SLC16A10: variants seen among roughly 807,000 people sequenced by gnomAD.
SLC16A10 encodes solute carrier family 16 member 10.
In SLC16A10, 27 loss-of-function variants were observed where a neutral mutation model predicts 40.0. The ratio of observed to expected loss-of-function variants is 0.67; its 90% confidence interval spans 0.50 to 0.93. The LOEUF is 0.93. Among genes scored for constraint, SLC16A10 ranks in the 40% least tolerant of loss-of-function variants. The pLI is 0.00. For synonymous variants in SLC16A10, 213 were observed against 249.8 expected, an observed-to-expected ratio of 0.85 and a Z score of 1.39; for missense variants, 529 against 658.2, an observed-to-expected ratio of 0.80 and a Z score of 2.15.
rs537693451 is a variant in SLC16A10, at chr6:111,200,709, A to G, written c.943-5883A>G. Among the ~76,000 whole-genome samples, 6 of 152,326 alleles carry G rather than the reference A, an allele frequency of 3.9e-5. No individual in the cohort carries two copies. In the East Asian group the frequency reaches 1.2e-3, roughly 29 times the overall value. On this transcript the variant is annotated intron_variant, in intron 3 of 5. Transcript: ENST00000368851. ...ACAAACTCAGATTATCCATTAACCC[A>G]CGCTTGCAGGCTTTCTACTCCCTTT...
intron 1 of SLC16A10, among the ~76,000 whole-genome samples, chr6:111,159,230 A>G (rs79357871): frequency 0.02 from 2,978 of 152,216 alleles, 89 homozygotes; most frequent in African/African-American, 0.068. Flanking sequence ...TTATGCTATG[A>G]CTACAAATGT....
At chr6:111,163,110 T>C (rs1183117896) in intron 1 of SLC16A10, among the ~76,000 whole-genome samples, 2 of 152,074 alleles carry the variant, frequency 1.3e-5, no homozygotes, top group East Asian at 3.9e-4. Flanking sequence ...ACAAAGAAAT[T>C]TGGTTATTTC....
intron 3 of SLC16A10, among the ~76,000 whole-genome samples, chr6:111,194,523 G>A (rs1264194367): frequency 6.6e-6 from 1 of 152,156 alleles, no homozygotes; most frequent in East Asian, 1.9e-4. Context: ...CCAGAAGAAC[G>A]GGGTGTCTGA....
intron 1 of SLC16A10, among the ~76,000 whole-genome samples, chr6:111,096,480 T>C (rs1583300012): frequency 6.7e-6 from 1 of 149,864 alleles, no homozygotes; most frequent in East Asian, 1.9e-4. Flanking sequence ...ACCTGGGAAC[T>C]GCGCAGACCC....
chr6:111,107,191 T>C (rs1771299876), intron 1 of SLC16A10, among the ~76,000 whole-genome samples: 1 of 152,202 alleles, frequency 6.6e-6, no homozygotes, highest in South Asian at 2.1e-4. Flanking sequence ...TGTGCATGGA[T>C]TTCAAAATAT....
chr6:111,149,564 C>T (rs1043927385), intron 1 of SLC16A10, among the ~76,000 whole-genome samples: 1 of 152,184 alleles, frequency 6.6e-6, no homozygotes, highest in Non-Finnish European at 1.5e-5. Flanking sequence ...GTTTTATATG[C>T]ATACAGTATA....
At chr6:111,101,452 T>C (rs1771187180) in intron 1 of SLC16A10, among the ~76,000 whole-genome samples, 1 of 152,172 alleles carries the variant, frequency 6.6e-6, no homozygotes, top group East Asian at 1.9e-4. Context: ...CCAGGTACCC[T>C]ATAATCAAAT....
chr6:111,100,563 A>G (rs1207333159), intron 1 of SLC16A10, among the ~76,000 whole-genome samples: 2 of 151,848 alleles, frequency 1.3e-5, no homozygotes, highest in African/African-American at 4.8e-5. Context: ...TAATTTTTGT[A>G]TTTTTAGTAG....
At chr6:111,196,775 A>G (rs1202960048) in intron 3 of SLC16A10, among the ~76,000 whole-genome samples, 2 of 152,232 alleles carry the variant, frequency 1.3e-5, no homozygotes, top group Admixed American at 6.5e-5. Context: ...TAGCATTTAC[A>G]TTGTATTGGT....
chr6:111,215,322 T>C (rs1388345827), intron 4 of SLC16A10, among the ~76,000 whole-genome samples: 1 of 151,334 alleles, frequency 6.6e-6, no homozygotes, highest in East Asian at 1.9e-4. Flanking sequence ...AGCCAAGTAC[T>C]GTACTAGGCT....
chr6:111,128,973 TA>T, intron 1 of SLC16A10, among the ~76,000 whole-genome samples: 1 of 124,804 alleles, frequency 8.0e-6, no homozygotes. Context: ...TCAATTGTTT[TA>T]TTTTTTCATA....
rs368582525 is a variant in SLC16A10 at position 111,222,446 on chromosome 6, T to C, written c.*211T>C. On this transcript the variant is annotated 3_prime_UTR_variant, in exon 6 of 6. Transcript: ENST00000368851. Reference sequence around the variant, plus strand: ...ATGAGTCTGAGGGCAGAGACTCTGGTATATGAAAACGTCTGAAAGTCACAT... The same window carrying C: ...ATGAGTCTGAGGGCAGAGACTCTGGCATATGAAAACGTCTGAAAGTCACAT... 154 of 426,652 alleles carry C rather than the reference T, an allele frequency of 3.6e-4. No individual in the cohort carries two copies. In the African/African-American group the frequency reaches 6.0e-3, roughly 17 times the overall value. The allele number at this position is 426,652 out of a possible 1,614,324, so 26.4% of individuals were successfully genotyped here.
chr6:111,200,613 CTCATT>C (rs1295144715), intron 3 of SLC16A10, among the ~76,000 whole-genome samples: 16 of 152,188 alleles, frequency 1.1e-4, no homozygotes, highest in Admixed American at 4.6e-4. Flanking sequence ...AATAAACTGT[CTCATT>C]TCATTCAGAA....
intron 3 of SLC16A10, among the ~76,000 whole-genome samples, chr6:111,193,627 G>T (rs1773032510): frequency 6.6e-6 from 1 of 152,146 alleles, no homozygotes. Context: ...GACCAAGTTT[G>T]TCCTGTGTTC....
chr6:111,113,331 G>A (rs1348992947), intron 1 of SLC16A10, among the ~76,000 whole-genome samples: 1 of 152,160 alleles, frequency 6.6e-6, no homozygotes, highest in African/African-American at 2.4e-5. Context: ...TGTGTCCTCT[G>A]TGAAAAGTAA....
intron 1 of SLC16A10, among the ~76,000 whole-genome samples, chr6:111,164,717 CA>C: frequency 6.6e-6 from 1 of 152,094 alleles, no homozygotes; most frequent in Non-Finnish European, 1.5e-5. Flanking sequence ...AAGATCATGC[CA>C]CTGCACTCCA....
chr6:111,215,165 A>T (rs1773401033), intron 4 of SLC16A10, among the ~76,000 whole-genome samples: 1 of 152,138 alleles, frequency 6.6e-6, no homozygotes, highest in African/African-American at 2.4e-5. Context: ...CTCAAAATAT[A>T]TAGCAATAAG....
chr6:111,214,414 A>C (rs968385381), intron 4 of SLC16A10, among the ~76,000 whole-genome samples: 3 of 152,228 alleles, frequency 2.0e-5, no homozygotes, highest in African/African-American at 7.2e-5. Context: ...TGATGCCTGG[A>C]TCAATCTTTA....
At chr6:111,099,760 T>C (rs1444832865) in intron 1 of SLC16A10, among the ~76,000 whole-genome samples, 2 of 152,176 alleles carry the variant, frequency 1.3e-5, no homozygotes, top group African/African-American at 4.8e-5. Context: ...GAATGGCTCA[T>C]GCCTGTAATC....
Sources: allele counts gnomAD v4.1 joint callset (sites outside exome capture counted in the v4.1 genomes callset), GRCh38; gene constraint gnomAD v4.1.1; transcripts MANE v1.5; gene names NCBI Gene and HGNC (gene_info 2026-07-23, HGNC 2026-07-21).